PLCB1: variants seen among roughly 807,000 people sequenced by gnomAD.
The protein encoded by PLCB1 is 1-phosphatidylinositol 4,5-bisphosphate phosphodiesterase beta-1.
In PLCB1, 46 loss-of-function variants were observed where a neutral mutation model predicts 161.8. The ratio of observed to expected loss-of-function variants is 0.28; its 90% CI spans 0.22 to 0.36. The LOEUF is 0.36. Ranked by LOEUF, PLCB1 falls within the 10% of genes least tolerant of loss-of-function variation. The pLI is 1.00. For synonymous variants in PLCB1, 517 were observed against 503.7 expected, an observed-to-expected ratio of 1.03 and a Z score of -0.35; for missense variants, 1,016 against 1,472.5, an observed-to-expected ratio of 0.69 and a Z score of 5.07.
intron 3 of PLCB1, among the ~76,000 whole-genome samples, chr20:8,582,748 G>A (rs1468542546): frequency 6.6e-6 from 1 of 152,192 alleles, no homozygotes; most frequent in African/African-American, 2.4e-5. Context: ...AGAACTTTGG[G>A]AGGCCAAGGC....
intron 23 of PLCB1, among the ~76,000 whole-genome samples, chr20:8,744,663 T>TAAAATAAAATAAAATAAAATAAAATAAA: frequency 7.4e-6 from 1 of 134,800 alleles, no homozygotes; most frequent in Non-Finnish European, 1.7e-5. Context: ...AATAAAAAAA[T>TAAAATAAAATAAAATAAAATAAAATAAA]AAAATTGTTT....
intron 4 of PLCB1, among the ~76,000 whole-genome samples, chr20:8,644,637 G>C (rs1989095405): frequency 6.6e-6 from 1 of 151,868 alleles, no homozygotes; most frequent in South Asian, 2.1e-4. Flanking sequence ...CCCTCTGCCC[G>C]GCAGCCAACC....
chr20:8,194,118 A>G (rs1045142657), intron 2 of PLCB1, among the ~76,000 whole-genome samples: 4 of 152,074 alleles, frequency 2.6e-5, no homozygotes, highest in Non-Finnish European at 4.4e-5. Flanking sequence ...TACCCTGTGT[A>G]CATCACACTT....
At chr20:8,644,151 C>G (rs1468073854) in intron 4 of PLCB1, among the ~76,000 whole-genome samples, 1 of 152,184 alleles carries the variant, frequency 6.6e-6, no homozygotes, top group Non-Finnish European at 1.5e-5. Flanking sequence ...GCTACAACAT[C>G]CACCTCCCAG....
rs1988011321 is a variant in PLCB1 at position 8,881,917 on chromosome 20, A to G, written c.*68A>G. 5.8e-6 allele frequency: 6 copies of G among 1,038,142 alleles called. No homozygotes were observed. Among genetic ancestry groups the G allele is most frequent in the Middle Eastern group, 2.5e-4 (1 of 4,026 alleles). The allele number at this position is 1,038,142 out of a possible 1,614,324, so 64.3% of individuals were successfully genotyped here. A position where few individuals can be genotyped will look rare whatever the true frequency, so the allele number is the denominator to read the frequency against. ...GTCATCGGACTCTCTCTTATTACAA[A>G]GATCACTGCCCAGGACCATCTTCCC... On this transcript the variant is annotated 3_prime_UTR_variant, in exon 32 of 32. Coordinates refer to ENST00000338037, the MANE Select transcript of PLCB1 (RefSeq NM_015192.4).
rs1163169411 is a variant in PLCB1 at position 8,717,780 on chromosome 20, T to C, written c.1445T>C (p.Leu482Pro). The C allele has an allele frequency of 3.7e-6, 6 of 1,613,896 alleles. No individual in the cohort carries two copies. Among genetic ancestry groups the C allele is most frequent in the Non-Finnish European group, 5.1e-6 (6 of 1,179,950 alleles). The change falls in exon 14 of 32, where the codon CTC becomes CCC. Residue 482 changes from leucine to proline, a missense_variant. Physicochemically the swap from Leu to Pro is moderately conservative, Grantham distance 98. Coordinates refer to ENST00000338037, the MANE Select transcript of PLCB1 (RefSeq NM_015192.4). ...KSSEGSGKKK[L>P]SEQASNTYSD... is the part of the protein sequence containing the mutation. ...TCAGAAGGAAGCGGCAAAAAGAAGC[T>C]CTCAGAACAAGCCTCCAACACCTAC...
chr20:8,715,084 T>C (rs996783754), intron 12 of PLCB1, among the ~76,000 whole-genome samples: 2 of 152,166 alleles, frequency 1.3e-5, no homozygotes, highest in Admixed American at 1.3e-4. Flanking sequence ...CTTAGTACAG[T>C]CACAGTCCTG....
At chr20:8,842,821 A>G (rs1986557889) in intron 31 of PLCB1, among the ~76,000 whole-genome samples, 1 of 152,188 alleles carries the variant, frequency 6.6e-6, no homozygotes, top group Non-Finnish European at 1.5e-5. Context: ...TAACACAAGC[A>G]GTTAGCTCAG....
At chr20:8,277,030 C>T (rs1490803961) in intron 2 of PLCB1, among the ~76,000 whole-genome samples, 2 of 139,506 alleles carry the variant, frequency 1.4e-5, no homozygotes, top group African/African-American at 5.4e-5. Flanking sequence ...GAGATGGAGT[C>T]TCACTCTGTT....
intron 3 of PLCB1, among the ~76,000 whole-genome samples, chr20:8,383,215 G>A (rs746967378): frequency 1.1e-4 from 16 of 152,272 alleles, no homozygotes; most frequent in Non-Finnish European, 1.8e-4. Flanking sequence ...GAACCTGGAT[G>A]CTCCTGTATT....
chr20:8,409,801 G>A (rs1229611270), intron 3 of PLCB1, among the ~76,000 whole-genome samples: 2 of 151,968 alleles, frequency 1.3e-5, no homozygotes, highest in Non-Finnish European at 2.9e-5. Flanking sequence ...TCAATAATAG[G>A]AGACAATAAA....
chr20:8,729,203 A>G (rs371410880), intron 18 of PLCB1, 29 bp downstream of exon 18: 1 of 1,554,720 alleles, frequency 6.4e-7, no homozygotes. Context: ...CCATTCTGCT[A>G]TGAACTCACA....
At chr20:8,759,784 T>G (rs189865769) in intron 24 of PLCB1, among the ~76,000 whole-genome samples, 1 of 152,246 alleles carries the variant, frequency 6.6e-6, no homozygotes, top group East Asian at 1.9e-4. Context: ...AAAAGGTCAC[T>G]TGTCATTCCT....
chr20:8,176,462 T>C (rs2051784880), intron 2 of PLCB1, among the ~76,000 whole-genome samples: 1 of 152,180 alleles, frequency 6.6e-6, no homozygotes. Context: ...CAATTTTGTG[T>C]CTGTAAAGTG....
At chr20:8,636,089 A>G (rs1988754650) in intron 4 of PLCB1, among the ~76,000 whole-genome samples, 1 of 152,224 alleles carries the variant, frequency 6.6e-6, no homozygotes, top group Admixed American at 6.5e-5. Flanking sequence ...ATTAAGAAAA[A>G]AGAAAAGGTG....
At chr20:8,811,591 G>A (rs1366092606) in intron 31 of PLCB1, among the ~76,000 whole-genome samples, 1 of 149,806 alleles carries the variant, frequency 6.7e-6, no homozygotes, top group Non-Finnish European at 1.5e-5. Context: ...ATTCAATGGA[G>A]GAACAATATG....
chr20:8,637,327 C>A (rs903071358), intron 4 of PLCB1, among the ~76,000 whole-genome samples: 1 of 152,124 alleles, frequency 6.6e-6, no homozygotes, highest in Non-Finnish European at 1.5e-5. Flanking sequence ...AATTTTCATT[C>A]ATTCAACAAA....
At chr20:8,745,184 G>C (rs1981106669) in intron 23 of PLCB1, among the ~76,000 whole-genome samples, 1 of 151,964 alleles carries the variant, frequency 6.6e-6, no homozygotes, top group Non-Finnish European at 1.5e-5. Flanking sequence ...AAAATCATTT[G>C]CCCTTAACAT....
At chr20:8,814,358 G>A (rs923592473) in intron 31 of PLCB1, among the ~76,000 whole-genome samples, 5 of 152,114 alleles carry the variant, frequency 3.3e-5, no homozygotes, top group Non-Finnish European at 7.4e-5. Flanking sequence ...ATTACATTTC[G>A]AGAATGAATT....
Sources: gnomAD v4.1 joint callset for allele counts (sites outside exome capture counted in the v4.1 genomes callset) on GRCh38, gnomAD v4.1.1 for gene constraint, MANE v1.5 for transcripts, NCBI Gene and HGNC (gene_info 2026-07-23, HGNC 2026-07-21) for gene names.